Variants in EPG5 observed in about 807,000 individuals in gnomAD.
The protein encoded by EPG5 is ectopic P-granules 5 autophagy tethering factor.
In EPG5, 159 loss-of-function variants were observed where a neutral mutation model predicts 302.7. The ratio of observed to expected loss-of-function variants is 0.53; its 90% CI spans 0.46 to 0.60. EPG5 has a LOEUF of 0.60. Ranked by LOEUF, EPG5 falls within the 20% of genes least tolerant of loss-of-function variation. The pLI is 0.00. For missense variants in EPG5, 2,896 were observed against 3,092.4 expected (o/e 0.94, Z 1.51); for synonymous variants, 1,158 against 1,136.8 (o/e 1.02, Z -0.37).
chr18:45,833,059 G>A, the EPG5 span, among the ~76,000 whole-genome samples: 1 of 152,268 alleles, frequency 6.6e-6, no homozygotes, highest in African/African-American at 2.4e-5. Flanking sequence ...AGCCCACCCA[G>A]GGAGGGAGGG....
chr18:45,917,731 T>C lies in EPG5; in HGVS notation c.3187A>G (p.Lys1063Glu), dbSNP rs2050064937. The change falls in exon 17 of 44, where the codon AAG becomes GAG. Residue 1063 changes from lysine (K) to glutamate (E), a missense_variant. Coordinates refer to ENST00000282041, the MANE Select transcript of EPG5 (RefSeq NM_020964.3). Reference protein sequence around the residue: ...HLRTVVHVLDKILPLFYPCQY... With the variant: ...HLRTVVHVLDEILPLFYPCQY... ...CAAGGGTAAAATAAAGGCAGAATCT[T>C]ATCCAGGACATGAACCACTGTTCTC... is the stretch of plus-strand genomic sequence containing the variant. 4 of 1,614,188 alleles carry C rather than the reference T, an allele frequency of 2.5e-6. No individual in the cohort carries two copies. The East Asian group carries it at 8.9e-5, about 36-fold the overall frequency.
intron 11 of EPG5, among the ~76,000 whole-genome samples, chr18:45,934,044 C>T (rs2050461037): frequency 6.6e-6 from 1 of 151,986 alleles, no homozygotes; most frequent in South Asian, 2.1e-4. Context: ...AATCACAGCA[C>T]TTGGGAGGCC....
At position 45,855,562 on chromosome 18, in the gene EPG5, T is replaced by C; in HGVS notation, c.7557+11A>G. 3 of 1,606,942 alleles carry C rather than the reference T, an allele frequency of 1.9e-6. No homozygotes were observed. The highest frequency in any genetic ancestry group is 2.6e-6 in the Non-Finnish European group (3 of 1,173,756). ...CAGGCAAACTTCTAACCCTTCATTGTATATACTGACCTGCTGAGCTTTGGG... is the reference window on the plus strand; with the variant it reads ...CAGGCAAACTTCTAACCCTTCATTGCATATACTGACCTGCTGAGCTTTGGG... On this transcript the variant is annotated intron_variant, in intron 43 of 43. Transcript: ENST00000282041.
At chr18:45,935,174 C>G (rs1275726571) in intron 10 of EPG5, among the ~76,000 whole-genome samples, 2 of 152,212 alleles carry the variant, frequency 1.3e-5, no homozygotes, top group South Asian at 4.1e-4. Context: ...CTAACCACAA[C>G]AATGTGTGCA....
intron 1 of EPG5, among the ~76,000 whole-genome samples, chr18:45,965,129 A>G (rs2051221942): frequency 6.6e-6 from 1 of 152,136 alleles, no homozygotes; most frequent in East Asian, 1.9e-4. Flanking sequence ...ATAAAAAAGA[A>G]CAAAATCGTG....
At chr18:45,862,951 A>C (rs888717798) in intron 39 of EPG5, among the ~76,000 whole-genome samples, 1 of 152,202 alleles carries the variant, frequency 6.6e-6, no homozygotes. Flanking sequence ...GTTATTTAAA[A>C]GTTTGCTTCT....
chr18:45,802,945 T>C, the EPG5 span, among the ~76,000 whole-genome samples: 1,232 of 152,274 alleles, frequency 8.1e-3, 4 homozygotes, highest in Non-Finnish European at 0.014. Context: ...TAAGGCATAG[T>C]GAGTCACTCA....
intron 32 of EPG5, 67 bp from the exon 33 acceptor site, chr18:45,879,281 T>TCACA: frequency 1.8e-6 from 2 of 1,138,062 alleles, no homozygotes; most frequent in Non-Finnish European, 2.5e-6. Flanking sequence ...TATGATACAC[T>TCACA]GTGATGGGGG....
At chr18:45,940,566 G>A (rs766249517) in intron 9 of EPG5, among the ~76,000 whole-genome samples, 18 of 152,146 alleles carry the variant, frequency 1.2e-4, no homozygotes, top group Non-Finnish European at 2.4e-4. Context: ...ATTCTGGAAG[G>A]AGCATGTTTC....
the EPG5 span, among the ~76,000 whole-genome samples, chr18:45,801,331 C>T: frequency 2.5e-4 from 38 of 152,204 alleles, no homozygotes; most frequent in African/African-American, 6.5e-4. Flanking sequence ...CCACCACATC[C>T]GGCCCTGTGT....
intron 43 of EPG5, among the ~76,000 whole-genome samples, chr18:45,853,520 G>A (rs560639508): frequency 6.6e-5 from 10 of 152,290 alleles, no homozygotes; most frequent in Admixed American, 5.2e-4. Context: ...GGATTCTGAC[G>A]GTGTTCCCCT....
rs376598755 is a variant in EPG5, at chr18:45,930,693, C to A, written c.2395G>T (p.Val799Phe). The A allele has an allele frequency of 4.4e-6, 7 of 1,592,074 alleles. No homozygotes were observed. In the African/African-American group the frequency reaches 8.2e-5, roughly 19 times the overall value. Residue 799 changes from valine (V) to phenylalanine (F), a missense_variant, in exon 12 of 44, where the codon GTT becomes TTT. Val to Phe is a conservative substitution (Grantham distance 50). Coordinates refer to ENST00000282041, the MANE Select transcript of EPG5 (RefSeq NM_020964.3). The part of the protein sequence containing the change: ...NVDEDFIKII[V>F]LEIYEVSYVT... Reference sequence around the variant, plus strand: ...ATTCTAACCTCATATATCTCCAGAACAATAATTTTTATGAAGTCTTCGTCC... The same window carrying A: ...ATTCTAACCTCATATATCTCCAGAAAAATAATTTTTATGAAGTCTTCGTCC...
At chr18:45,838,186 G>A in the EPG5 span, among the ~76,000 whole-genome samples, 1 of 152,226 alleles carries the variant, frequency 6.6e-6, no homozygotes, top group Non-Finnish European at 1.5e-5. Flanking sequence ...GAAGAGGCGA[G>A]AAAGACAAGT....
chr18:45,867,533 G>A lies in EPG5; in HGVS notation c.6411+30C>T, dbSNP rs372785962. ...AAGCAAAGATCTAAGCAGCCTTGCCGAATTTTTGCCATAAGCTTCCCAAAC... is the reference window on the plus strand; with the variant it reads ...AAGCAAAGATCTAAGCAGCCTTGCCAAATTTTTGCCATAAGCTTCCCAAAC... On this transcript the variant is annotated intron_variant, in intron 37 of 43. Coordinates refer to ENST00000282041, the MANE Select transcript of EPG5 (RefSeq NM_020964.3). 2.3e-5 allele frequency: 36 copies of A among 1,599,352 alleles called. No homozygotes were observed. The Admixed American group carries it at 2.7e-4, about 12-fold the overall frequency.
chr18:45,865,862 G>A (rs1158686285), intron 38 of EPG5, 103 bp from the exon 39 acceptor site: 3 of 1,296,458 alleles, frequency 2.3e-6, no homozygotes, highest in African/African-American at 3.0e-5. Context: ...CTTGGGTAGG[G>A]AGTAGAGGGG....
chr18:45,819,523 A>C, the EPG5 span, among the ~76,000 whole-genome samples: 11 of 152,214 alleles, frequency 7.2e-5, no homozygotes, highest in Admixed American at 5.9e-4. Flanking sequence ...TTTAGGGAGC[A>C]CTGAGAATGC....
chr18:45,830,166 G>A, the EPG5 span, among the ~76,000 whole-genome samples: 1 of 152,232 alleles, frequency 6.6e-6, no homozygotes, highest in South Asian at 2.1e-4. Context: ...TTCCTGCTTT[G>A]CTTTTTTCCT....
the EPG5 span, among the ~76,000 whole-genome samples, chr18:45,830,888 G>A: frequency 4.0e-5 from 6 of 151,804 alleles, no homozygotes; most frequent in East Asian, 1.9e-4. Flanking sequence ...GTGAGCCACC[G>A]CGCTTGGCCA....
chr18:45,854,899 A>C (rs1270883472), intron 43 of EPG5, among the ~76,000 whole-genome samples: 1 of 152,212 alleles, frequency 6.6e-6, no homozygotes, highest in African/African-American at 2.4e-5. Flanking sequence ...CATTGCTATG[A>C]GGATTAAATG....
Sources: allele counts gnomAD v4.1 joint callset (sites outside exome capture counted in the v4.1 genomes callset), GRCh38; gene constraint gnomAD v4.1.1; transcripts MANE v1.5; gene names NCBI Gene and HGNC (gene_info 2026-07-23, HGNC 2026-07-21).